DSE: variants seen among roughly 807,000 people sequenced by gnomAD.
DSE encodes the protein dermatan-sulfate epimerase.
A neutral mutation model predicts 84.4 loss-of-function variants in DSE; 36 were observed. The ratio of observed to expected loss-of-function variants is 0.43; its 90% CI spans 0.33 to 0.56. DSE has a LOEUF of 0.56. DSE is among the 20% of genes least tolerant of loss of function. DSE has a pLI of 0.06. For synonymous variants in DSE, 410 were observed against 430.1 expected (o/e 0.95, Z 0.58); for missense variants, 862 against 1,169.6 (o/e 0.74, Z 3.84).
At chr6:116,416,349 CTGTGTGTGTGTGTGTGTGTGTG>C in intron 2 of DSE, among the ~76,000 whole-genome samples, 1 of 134,042 alleles carries the variant, frequency 7.5e-6, no homozygotes, top group Non-Finnish European at 1.6e-5. Context: ...CTAATTGCCA[CTGTGTGTGTGTGTGTGTGTGTG>C]TGTGTGTGTG....
chr6:116,420,195 T>C lies in DSE; in HGVS notation c.417-6379T>C, dbSNP rs568968411. On this transcript the variant is annotated intron_variant, in intron 2 of 5. Transcript: ENST00000644252. ...TTTGTTTTCAAAGACCTAATTTCTT[T>C]TTATTGTAAGTGTTTATTTTAGCAG... Among the ~76,000 whole-genome samples, 35 of 152,306 alleles carry C rather than the reference T, an allele frequency of 2.3e-4. No individual in the cohort carries two copies. In the East Asian group the frequency reaches 6.0e-3, roughly 26 times the overall value.
rs753512700 is a variant in DSE at position 116,426,737 on chromosome 6, A to G, written c.580A>G (p.Arg194Gly). The change falls in exon 3 of 6, where the codon AGG becomes GGG. Residue 194 changes from arginine to glycine, a missense_variant. Physicochemically the swap from Arg to Gly is moderately radical, Grantham distance 125. Around this residue, in one of 4 missense-constraint regions of DSE, gnomAD observed 309 missense variants for 516.9 expected, o/e 0.60. Transcript: ENST00000644252. ...ASGYMYETSYRRGWGFQYLHN... is the reference protein window; with the variant it reads ...ASGYMYETSYGRGWGFQYLHN... ...AGGGTATATGTATGAAACTTCATAC[A>G]GGAGAGGATGGGGATTTCAATACCT... The G allele has an allele frequency of 3.1e-6, 5 of 1,614,226 alleles. No homozygotes were observed. Among genetic ancestry groups the G allele is most frequent in the Non-Finnish European group, 3.4e-6 (4 of 1,180,040 alleles).
Position 116,436,635 on chromosome 6 carries a change from C to G in DSE, c.2167C>G (p.Arg723Gly). 1.2e-6 allele frequency: 2 copies of G among 1,614,100 alleles called. No individual in the cohort carries two copies. The highest frequency in any genetic ancestry group is 8.5e-7 in the Non-Finnish European group (1 of 1,180,006). ...IADRHKILFD[R>G]NSAIKSSIVP... The stretch of plus-strand genomic sequence containing the variant: ...TGATCGTCACAAAATTCTGTTTGAC[C>G]GGAATTCAGCCATCAAGAGCAGCAT... The change falls in exon 6 of 6, where the codon CGG becomes GGG. Residue 723 changes from arginine to glycine, a missense_variant. By Grantham distance (125) the Arg-to-Gly change is moderately radical (BLOSUM62 -2). Transcript: ENST00000644252.
intron 2 of DSE, among the ~76,000 whole-genome samples, chr6:116,320,635 G>A (rs918458160): frequency 1.3e-5 from 2 of 152,114 alleles, no homozygotes; most frequent in African/African-American, 2.4e-5. Context: ...TGGAAGTCAA[G>A]ATCAAGGTAC....
At chr6:116,369,848 G>A (rs766671428), upstream of DSE, 429 of 1,208,216 alleles carry the variant, frequency 3.6e-4, 2 homozygotes, top group Admixed American at 1.7e-3. Flanking sequence ...TGAGGATAGA[G>A]GAATTGGATG....
intron 3 of DSE, among the ~76,000 whole-genome samples, chr6:116,429,965 A>AG (rs1447954316): frequency 7.1e-5 from 1 of 14,068 alleles, no homozygotes; most frequent in African/African-American, 5.2e-4. Context: ...AAAAAAAAAA[A>AG]AAAAAGAAAT....
At chr6:116,284,602 C>T (rs1773754949) in intron 2 of DSE, among the ~76,000 whole-genome samples, 1 of 151,772 alleles carries the variant, frequency 6.6e-6, no homozygotes, top group African/African-American at 2.4e-5. Flanking sequence ...TGTTGGTGTG[C>T]TGCACCCATT....
intron 1 of DSE, among the ~76,000 whole-genome samples, chr6:116,397,851 T>C (rs749160843): frequency 2.0e-5 from 3 of 152,242 alleles, no homozygotes; most frequent in Admixed American, 1.3e-4. Flanking sequence ...GAGTTTCATA[T>C]ATAGGTAGAA....
chr6:116,327,992 G>A lies in DSE; in HGVS notation c.-54+69025G>A, dbSNP rs560868583. On this transcript the variant is annotated intron_variant, in intron 2 of 3. Coordinates refer to the DSE transcript ENST00000430252. Reference sequence around the variant, plus strand: ...AAAGCCAAAAGCACAGCAAGTCATCGGAGTTCAGATTCTTTTCTGCTTCCC... The same window carrying A: ...AAAGCCAAAAGCACAGCAAGTCATCAGAGTTCAGATTCTTTTCTGCTTCCC... Among the ~76,000 whole-genome samples, 98 of 152,250 alleles carry A rather than the reference G, an allele frequency of 6.4e-4. 2 individuals carry two copies. In the South Asian group the frequency reaches 9.1e-3, roughly 14 times the overall value.
In DSE at chr6:116,409,526, A is replaced by T. The variant is rs147189682; in HGVS notation, c.416+9860A>T. On this transcript the variant is annotated intron_variant, in intron 2 of 5. Transcript: ENST00000644252. ...GATCTCCTGACCTCATGATCCGCCC[A>T]CCTTGGCCTCCCAAAGTGCTGGGAT... 8.7e-3 allele frequency among the ~76,000 whole-genome samples: 1,318 copies of T among 152,082 alleles called. 31 individuals are homozygous for T. Among genetic ancestry groups the T allele is most frequent in the African/African-American group, 0.029 (1,187 of 41,490 alleles).
upstream of DSE, chr6:116,370,900 T>C: frequency 1.0e-6 from 1 of 985,480 alleles, no homozygotes; most frequent in Non-Finnish European, 1.2e-6. Flanking sequence ...CGTCCCTCCC[T>C]CCGCCCCTTT....
chr6:116,429,781 T>TTATAG, intron 3 of DSE, among the ~76,000 whole-genome samples: 1 of 50,536 alleles, frequency 2.0e-5, no homozygotes, highest in Non-Finnish European at 4.0e-5. Context: ...ACCCCGTCTC[T>TTATAG]ACTAAAAATA....
intron 1 of DSE, among the ~76,000 whole-genome samples, chr6:116,392,456 A>T (rs1780970172): frequency 6.6e-6 from 1 of 152,134 alleles, no homozygotes; most frequent in African/African-American, 2.4e-5. Context: ...CTAATCATGT[A>T]ACTAACTATG....
In DSE at chr6:116,266,992, GC is replaced by G. The variant is rs1413127074; in HGVS notation, c.-54+8026del. On this transcript the variant is annotated intron_variant, in intron 2 of 3. Transcript: ENST00000430252. ...TTAGTGTCATCACAGCCTGAGTAAT[GC>G]TGTAGCCCTCATAAGGTCATAGTAT... 8.5e-4 allele frequency among the ~76,000 whole-genome samples: 129 copies of G among 152,312 alleles called. 1 individual carries two copies. The highest frequency in any genetic ancestry group is 2.1e-4 in the Non-Finnish European group (14 of 68,026).
At chr6:116,397,813 G>A (rs903985345) in intron 1 of DSE, among the ~76,000 whole-genome samples, 2 of 152,090 alleles carry the variant, frequency 1.3e-5, no homozygotes, top group African/African-American at 4.8e-5. Flanking sequence ...AATGTAAAAT[G>A]TTTTACAAAA....
intron 2 of DSE, among the ~76,000 whole-genome samples, chr6:116,361,216 C>T (rs961700299): frequency 3.9e-5 from 6 of 151,976 alleles, no homozygotes; most frequent in African/African-American, 1.2e-4. Flanking sequence ...TACGCCACCA[C>T]GCCTGGGTAA....
chr6:116,358,194 T>C (rs1043057248), intron 2 of DSE, among the ~76,000 whole-genome samples: 2 of 152,200 alleles, frequency 1.3e-5, no homozygotes, highest in African/African-American at 2.4e-5. Flanking sequence ...ACATGACTTG[T>C]AGGTGATTTT....
intron 2 of DSE, among the ~76,000 whole-genome samples, chr6:116,418,734 TG>T (rs1253268821): frequency 6.6e-6 from 1 of 152,220 alleles, no homozygotes; most frequent in Admixed American, 6.5e-5. Flanking sequence ...TGACATTCTT[TG>T]AAAGCGCCGT....
At position 116,433,509 on chromosome 6, in the gene DSE, C is replaced by T. The variant is rs1265699606; in HGVS notation, c.1077C>T (p.Ser359=). The T allele has an allele frequency of 6.4e-7, 1 of 1,573,136 alleles. No homozygotes were observed. Among genetic ancestry groups the T allele is most frequent in the Non-Finnish European group, 8.6e-7 (1 of 1,157,420 alleles). The change falls in exon 5 of 6, where the codon TCC becomes TCT. Residue 359 remains serine, a synonymous_variant. Transcript: ENST00000644252. ...NRVVEGPGTP[S]KGQRWCTLHT... is the part of the protein sequence containing the mutation. ...TGGTGGAAGGTCCAGGAACACCATC[C>T]AAAGGGCAGCGCTGGTGCACTCTGC... is the stretch of plus-strand genomic sequence containing the variant.
Sources: allele counts gnomAD v4.1 joint callset (sites outside exome capture counted in the v4.1 genomes callset), GRCh38; gene constraint gnomAD v4.1.1; regional missense constraint gnomAD v4.1.1; transcripts MANE v1.5; gene names NCBI Gene and HGNC (gene_info 2026-07-23, HGNC 2026-07-21).